CCDC30: variants seen among roughly 807,000 people sequenced by gnomAD.
CCDC30 encodes the protein coiled-coil domain containing 30, also known as coiled-coil domain-containing protein 30.
In CCDC30, 70 loss-of-function variants were observed where a neutral mutation model predicts 100.2. The ratio of observed to expected loss-of-function variants is 0.70; its 90% confidence interval spans 0.58 to 0.85. The LOEUF (loss-of-function observed/expected upper bound fraction) is 0.85, where lower values mean the gene tolerates loss of function less well. Among genes scored for constraint, CCDC30 ranks in the 40% least tolerant of loss-of-function variants. The pLI is 0.00. For synonymous variants in CCDC30, 233 were observed against 269.5 expected, an observed-to-expected ratio of 0.86 and a Z score of 1.33; for missense variants, 652 against 771.2, an observed-to-expected ratio of 0.85 and a Z score of 1.83.
chr1:42,539,566 C>T (rs1243699508), intron 6 of CCDC30, among the ~76,000 whole-genome samples: 3 of 152,092 alleles, frequency 2.0e-5, no homozygotes, highest in African/African-American at 7.2e-5. Context: ...ATCAGCTTCC[C>T]ACCAACTTAA....
chr1:42,571,077 C>G (rs1645723932), intron 7 of CCDC30: 1 of 152,218 alleles, frequency 6.6e-6, no homozygotes, highest in African/African-American at 2.4e-5. Context: ...CCAGTGTTGT[C>G]TTATTTCATC....
chr1:42,559,424 G>C (rs959210494), intron 6 of CCDC30, among the ~76,000 whole-genome samples: 2 of 152,094 alleles, frequency 1.3e-5, no homozygotes, highest in African/African-American at 4.8e-5. Flanking sequence ...ACACACACAG[G>C]CTCAAAATAA....
chr1:42,637,489 T>C (rs1647183665), intron 12 of CCDC30, 111 bp downstream of exon 16: 5 of 972,584 alleles, frequency 5.1e-6, no homozygotes, highest in Non-Finnish European at 7.7e-6. Context: ...AGTCCTCGTT[T>C]TCATTTCTTT....
intron 11 of CCDC30, among the ~76,000 whole-genome samples, chr1:42,628,987 CTA>C (rs1646983782): frequency 1.3e-5 from 2 of 152,154 alleles, no homozygotes; most frequent in Admixed American, 6.5e-5. Flanking sequence ...TCTTATTGTA[CTA>C]TGTCTTGAAA....
intron 6 of CCDC30, among the ~76,000 whole-genome samples, chr1:42,504,235 A>G (rs1644364025): frequency 6.6e-6 from 1 of 152,210 alleles, no homozygotes; most frequent in Non-Finnish European, 1.5e-5. Flanking sequence ...ACATGAGGGC[A>G]TGTTCCTTGC....
intron 6 of CCDC30, chr1:42,536,494 G>GA: frequency 6.2e-7 from 1 of 1,605,380 alleles, no homozygotes. Context: ...AATGAGCCAA[G>GA]AAAAAAATGA....
At chr1:42,459,617 G>A (rs1251950007), upstream of CCDC30, 2 of 1,613,188 alleles carry the variant, frequency 1.2e-6, no homozygotes, top group Admixed American at 3.3e-5. Context: ...CAATGAAGAT[G>A]GTGCCAAAAC....
chr1:42,571,681 C>T lies in CCDC30; in HGVS notation c.636+5206C>T, dbSNP rs552553578. ...CACCAATGATATCAAGGCATTTGCT[C>T]TTAGGGTTTAATTTCTTTACTTCTA... On this transcript the variant is annotated intron_variant, in intron 7 of 16. Coordinates refer to ENST00000668663, the Ensembl canonical transcript of CCDC30. Among the ~76,000 whole-genome samples the T allele has an allele frequency of 2.8e-4, 43 of 152,274 alleles. No homozygotes were observed. The South Asian group carries it at 5.2e-3, about 18-fold the overall frequency.
intron 11 of CCDC30, among the ~76,000 whole-genome samples, chr1:42,629,893 C>T (rs1347895979): frequency 4.0e-5 from 6 of 151,490 alleles, no homozygotes; most frequent in South Asian, 2.1e-4. Context: ...GGATTACGGG[C>T]GTGAGCCGCT....
chr1:42,456,624 C>T, the CCDC30 span: 2 of 1,577,446 alleles, frequency 1.3e-6, no homozygotes, highest in Non-Finnish European at 1.7e-6. Context: ...GCGCGCTGGG[C>T]TGAGGTTATG....
At chr1:42,618,331 G>C (rs1646765975) in intron 11 of CCDC30, among the ~76,000 whole-genome samples, 1 of 147,408 alleles carries the variant, frequency 6.8e-6, no homozygotes, top group African/African-American at 2.5e-5. Context: ...CCGCCTCTCA[G>C]GTTCAAGCAA....
intron 6 of CCDC30, among the ~76,000 whole-genome samples, chr1:42,518,851 A>G (rs563069900): frequency 1.3e-5 from 2 of 152,356 alleles, no homozygotes; most frequent in Admixed American, 6.5e-5. Flanking sequence ...AAGTGCAGGC[A>G]TCCTTGTCTG....
chr1:42,469,085 A>C (rs1489296166), intron 1 of CCDC30, among the ~76,000 whole-genome samples: 1 of 152,202 alleles, frequency 6.6e-6, no homozygotes, highest in Non-Finnish European at 1.5e-5. Flanking sequence ...ATGTTAAAAC[A>C]AACAAAAACA....
intron 9 of CCDC30, among the ~76,000 whole-genome samples, chr1:42,582,587 A>G (rs1645989770): frequency 6.6e-6 from 1 of 152,196 alleles, no homozygotes; most frequent in Non-Finnish European, 1.5e-5. Context: ...GATTTTTTAA[A>G]ATAAAGCTTT....
chr1:42,560,758 A>G (rs929306932), intron 6 of CCDC30, among the ~76,000 whole-genome samples: 1 of 152,190 alleles, frequency 6.6e-6, no homozygotes, highest in Non-Finnish European at 1.5e-5. Flanking sequence ...AGACACAATA[A>G]AAATGACAAG....
At chr1:42,544,407 CT>C (rs1453236525) in intron 6 of CCDC30, among the ~76,000 whole-genome samples, 4 of 152,222 alleles carry the variant, frequency 2.6e-5, no homozygotes, top group African/African-American at 4.8e-5. Flanking sequence ...ACATGGGAGG[CT>C]TATTTAAAGT....
chr1:42,612,474 CAT>C (rs915964890), intron 11 of CCDC30, among the ~76,000 whole-genome samples: 140 of 152,332 alleles, frequency 9.2e-4, no homozygotes, highest in African/African-American at 3.3e-3. Context: ...AGGAACCACT[CAT>C]GTGTGCATTG....
intron 7 of CCDC30, among the ~76,000 whole-genome samples, chr1:42,573,080 A>C (rs569647090): frequency 4.6e-5 from 7 of 152,178 alleles, no homozygotes; most frequent in Non-Finnish European, 1.0e-4. Context: ...TATCTGGGCT[A>C]TTCCTGGCCT....
At chr1:42,468,058 A>G (rs1247661254) in intron 1 of CCDC30, among the ~76,000 whole-genome samples, 1 of 152,178 alleles carries the variant, frequency 6.6e-6, no homozygotes, top group Admixed American at 6.5e-5. Context: ...TCTGTATCCA[A>G]TTCCTGTGTA....
Sources: allele counts gnomAD v4.1 joint callset (sites outside exome capture counted in the v4.1 genomes callset), GRCh38; gene constraint gnomAD v4.1.1; transcripts MANE v1.5; gene names NCBI Gene and HGNC (gene_info 2026-07-23, HGNC 2026-07-21).